The following ZBTB20 variants were observed in gnomAD, a reference collection of about 807,000 sequenced individuals.
ZBTB20 encodes the protein zinc finger and BTB domain-containing protein 20.
Under a neutral mutation model 56.9 loss-of-function variants are expected in ZBTB20, and 9 were observed. That is an observed-to-expected ratio of 0.16 (90% CI 0.10 to 0.28). The LOEUF is 0.28. Ranked by LOEUF, ZBTB20 falls within the 10% of genes least tolerant of loss-of-function variation. ZBTB20 has a pLI of 1.00. For synonymous variants in ZBTB20, 417 were observed against 420.7 expected (o/e 0.99, Z 0.11); for missense variants, 655 against 1,003.0 (o/e 0.65, Z 4.69).
chr3:114,794,087 T>C (rs1346185673), intron 5 of ZBTB20, among the ~76,000 whole-genome samples: 2 of 151,840 alleles, frequency 1.3e-5, no homozygotes, highest in African/African-American at 2.4e-5. Flanking sequence ...TGAGGTCTAA[T>C]AGTAATACAA....
intron 4 of ZBTB20, chr3:114,874,236 A>AT (rs2076112414): frequency 6.6e-6 from 1 of 152,210 alleles, no homozygotes; most frequent in Admixed American, 6.5e-5. Flanking sequence ...GACTGAAAAC[A>AT]TTTTTTAAAA....
intron 6 of ZBTB20, among the ~76,000 whole-genome samples, chr3:114,665,711 A>C (rs1296455348): frequency 6.6e-6 from 1 of 152,116 alleles, no homozygotes; most frequent in African/African-American, 2.4e-5. Context: ...GTAGATTAAA[A>C]TAATCTGCAT....
chr3:114,846,779 T>C (rs1448171677), intron 4 of ZBTB20, among the ~76,000 whole-genome samples: 2 of 152,190 alleles, frequency 1.3e-5, no homozygotes, highest in East Asian at 1.9e-4. Context: ...TCTGACACTA[T>C]AAACCAGAGA....
chr3:114,406,269 A>G (rs1307905004), intron 7 of ZBTB20, among the ~76,000 whole-genome samples: 1 of 152,174 alleles, frequency 6.6e-6, no homozygotes, highest in Non-Finnish European at 1.5e-5. Context: ...TAAATATTCT[A>G]GCCTAATTCT....
At chr3:114,906,769 G>T (rs1373366918) in intron 3 of ZBTB20, among the ~76,000 whole-genome samples, 1 of 151,534 alleles carries the variant, frequency 6.6e-6, no homozygotes, top group Admixed American at 6.6e-5. Flanking sequence ...ATTTTAGGTA[G>T]GAAAACATAG....
At chr3:114,789,983 C>T (rs540469960) in intron 5 of ZBTB20, among the ~76,000 whole-genome samples, 10 of 152,064 alleles carry the variant, frequency 6.6e-5, no homozygotes, top group East Asian at 1.9e-4. Flanking sequence ...CACCAAAGCA[C>T]GGTGAATACA....
intron 6 of ZBTB20, among the ~76,000 whole-genome samples, chr3:114,552,052 A>G (rs1460321015): frequency 1.3e-5 from 2 of 152,194 alleles, no homozygotes; most frequent in Non-Finnish European, 1.5e-5. Context: ...TCTACAAAAT[A>G]TTATTTTAAA....
At position 114,987,385 on chromosome 3, in the gene ZBTB20, CTG is replaced by C. The variant is rs1354023364; in HGVS notation, c.-506-12971_-506-12970del. Among the ~76,000 whole-genome samples the C allele has an allele frequency of 5.3e-5, 8 of 152,182 alleles. No individual in the cohort carries two copies. In the South Asian group the frequency reaches 1.7e-3, roughly 32 times the overall value. On this transcript the variant is annotated intron_variant, in intron 2 of 11. Transcript: ENST00000675478. Reference sequence around the variant, plus strand: ...ACTAAGTTACACAATAGGGGTAAGACTGTTGAATCTATCTGAAAAATTACATT... The same window carrying C: ...ACTAAGTTACACAATAGGGGTAAGACTTGAATCTATCTGAAAAATTACATT...
intron 7 of ZBTB20, among the ~76,000 whole-genome samples, chr3:114,477,876 T>C (rs1393108436): frequency 6.7e-6 from 1 of 149,232 alleles, no homozygotes; most frequent in Non-Finnish European, 1.5e-5. Context: ...TCTTCCTTCC[T>C]TCCTTTTTTC....
chr3:114,621,630 G>A (rs1427324877), intron 6 of ZBTB20, among the ~76,000 whole-genome samples: 2 of 152,140 alleles, frequency 1.3e-5, no homozygotes, highest in South Asian at 2.1e-4. Context: ...GTATATCTGC[G>A]ACTGCCTAAT....
chr3:114,520,126 C>G (rs1015267979), intron 6 of ZBTB20: 1 of 151,850 alleles, frequency 6.6e-6, no homozygotes, highest in Admixed American at 6.6e-5. Flanking sequence ...CTGCTTCCTT[C>G]CCTATGAAAA....
intron 6 of ZBTB20, among the ~76,000 whole-genome samples, chr3:114,553,306 A>G (rs979428185): frequency 6.6e-6 from 1 of 152,182 alleles, no homozygotes; most frequent in African/African-American, 2.4e-5. Context: ...AGCAATGTAC[A>G]TTAGGCAATT....
chr3:114,997,969 A>C (rs1029114512), intron 2 of ZBTB20, among the ~76,000 whole-genome samples: 1 of 151,764 alleles, frequency 6.6e-6, no homozygotes, highest in African/African-American at 2.4e-5. Flanking sequence ...AAATGGATAG[A>C]TTTCATTTTT....
intron 1 of ZBTB20, among the ~76,000 whole-genome samples, chr3:115,125,326 G>C (rs2084297905): frequency 6.7e-6 from 1 of 148,196 alleles, no homozygotes; most frequent in Non-Finnish European, 1.5e-5. Flanking sequence ...CTGGGCAACA[G>C]AGCAAGACCC....
At chr3:114,865,581 T>A (rs1341948361) in intron 4 of ZBTB20, among the ~76,000 whole-genome samples, 11 of 152,204 alleles carry the variant, frequency 7.2e-5, no homozygotes, top group Admixed American at 7.2e-4. Context: ...TTACAATTAT[T>A]CTGAATGAAA....
Position 114,770,054 on chromosome 3 carries a change from A to C in ZBTB20, c.-343+31047T>G, listed in dbSNP as rs1324393265. Reference sequence around the variant, plus strand: ...AGCCTGGGCAACAGAGCAAGACTCCATCTCAAAAAAACAAGAATGATGCAA... The same window carrying C: ...AGCCTGGGCAACAGAGCAAGACTCCCTCTCAAAAAAACAAGAATGATGCAA... On this transcript the variant is annotated intron_variant, in intron 5 of 11. Coordinates refer to ENST00000675478, the MANE Select transcript of ZBTB20 (RefSeq NM_001348800.3). 2.0e-5 allele frequency among the ~76,000 whole-genome samples: 3 copies of C among 151,066 alleles called. No homozygotes were observed. In the East Asian group the frequency reaches 5.9e-4, roughly 30 times the overall value.
In ZBTB20 at chr3:114,324,532, A is replaced by G. The variant is rs2079001274; in HGVS notation, c.*14473T>C. On this transcript the variant is annotated 3_prime_UTR_variant, in exon 12 of 12. Transcript: ENST00000675478. Reference sequence around the variant, plus strand: ...TCTGACTACACATAAATACAGATATACATACACATACACAGAAATTCTCAA... The same window carrying G: ...TCTGACTACACATAAATACAGATATGCATACACATACACAGAAATTCTCAA... 2 of 152,058 alleles carry G rather than the reference A, an allele frequency of 1.3e-5. No homozygotes were observed. The highest frequency in any genetic ancestry group is 4.8e-5 in the African/African-American group (2 of 41,402). 9.4% of individuals were successfully genotyped at this position (152,058 alleles called of 1,614,324 possible).
chr3:114,362,525 G>A (rs1437618351), intron 10 of ZBTB20, among the ~76,000 whole-genome samples: 3 of 152,276 alleles, frequency 2.0e-5, no homozygotes, highest in African/African-American at 7.2e-5. Context: ...CTGAAGTTCT[G>A]TGTAATGCTC....
At chr3:114,668,998 AC>A (rs1400239181) in intron 6 of ZBTB20, among the ~76,000 whole-genome samples, 1 of 152,104 alleles carries the variant, frequency 6.6e-6, no homozygotes, top group Non-Finnish European at 1.5e-5. Context: ...AACAACAACA[AC>A]AAAACTGTAG....
Sources: gnomAD v4.1 joint callset for allele counts (sites outside exome capture counted in the v4.1 genomes callset) on GRCh38, gnomAD v4.1.1 for gene constraint, MANE v1.5 for transcripts, NCBI Gene and HGNC (gene_info 2026-07-23, HGNC 2026-07-21) for gene names.